The following PIEZO2 variants were observed in gnomAD, a reference collection of about 807,000 sequenced individuals.
PIEZO2 encodes the protein piezo-type mechanosensitive ion channel component 2.
In PIEZO2, 172 loss-of-function variants were observed where a neutral mutation model predicts 337.3. The observed-to-expected ratio is 0.51, with a 90% confidence interval of 0.45 to 0.58. The LOEUF (loss-of-function observed/expected upper bound fraction) is 0.58, where lower values mean the gene tolerates loss of function less well. PIEZO2 is among the 20% of genes least tolerant of loss of function. The pLI, the probability that PIEZO2 is intolerant of heterozygous loss-of-function variation, is 0.00. For synonymous variants in PIEZO2, 1,251 were observed against 1,228.5 expected, an observed-to-expected ratio of 1.02 and a Z score of -0.38; for missense variants, 3,028 against 3,391.3, an observed-to-expected ratio of 0.89 and a Z score of 2.66.
rs749980947 is a variant in PIEZO2 at position 10,953,937 on chromosome 18, G to A, written c.286+25598C>T. On this transcript the variant is annotated intron_variant, in intron 3 of 55. Coordinates refer to ENST00000674853, the MANE Select transcript of PIEZO2 (RefSeq NM_001378183.1). This position sits in a 1 kb window ranked among gnomAD's most constrained non-coding sequence, Gnocchi z 5.2. The stretch of plus-strand genomic sequence containing the variant: ...AATGATTTGCGGCTGGCAGGGAACT[G>A]AAGTCTGTCAGATTGAGGACCAGGT... 6.6e-6 allele frequency among the ~76,000 whole-genome samples: 1 copy of A among 152,178 alleles called. No individual in the cohort carries two copies. Among genetic ancestry groups the A allele is most frequent in the Non-Finnish European group, 1.5e-5 (1 of 68,022 alleles).
At chr18:10,934,925 C>T (rs540866368) in intron 3 of PIEZO2, among the ~76,000 whole-genome samples, 25 of 152,252 alleles carry the variant, frequency 1.6e-4, no homozygotes, top group African/African-American at 6.0e-4. Flanking sequence ...ATCCACCTTA[C>T]AGACGTGGCA....
rs560174527 is a variant in PIEZO2 at position 10,746,361 on chromosome 18, T to C, written c.4424+2110A>G. Among the ~76,000 whole-genome samples the C allele has an allele frequency of 1.1e-3, 175 of 152,338 alleles. No individual in the cohort carries two copies. The highest frequency in any genetic ancestry group is 4.0e-3 in the African/African-American group (165 of 41,582). ...TGTCCTCATCTTCCAATCTCAGCGC[T>C]GCAGTCACTGTGAGCTTCTGATGGC... On this transcript the variant is annotated intron_variant, in intron 30 of 55. Transcript: ENST00000674853. This position sits in a 1 kb window ranked among gnomAD's most constrained non-coding sequence, Gnocchi z 4.2.
chr18:10,977,439 G>C (rs1160635334), intron 3 of PIEZO2, among the ~76,000 whole-genome samples: 1 of 151,944 alleles, frequency 6.6e-6, no homozygotes, highest in African/African-American at 2.4e-5. Flanking sequence ...TTAGTTATAA[G>C]ATTCTTCCTT....
intron 37 of PIEZO2, 116 bp from the exon 38 acceptor site, chr18:10,715,932 A>G (rs887471472): frequency 2.5e-6 from 2 of 805,074 alleles, no homozygotes; most frequent in African/African-American, 1.7e-5. Context: ...CGTGCATCTA[A>G]TAAGGCATGT....
rs1484832949 is a variant in PIEZO2 at position 11,078,808 on chromosome 18, T to G, written c.65-12586A>C. On this transcript the variant is annotated intron_variant, in intron 1 of 55. Coordinates refer to ENST00000674853, the MANE Select transcript of PIEZO2 (RefSeq NM_001378183.1). This position sits in a 1 kb window ranked among gnomAD's most constrained non-coding sequence, Gnocchi z 5.3. ...CCAGATCTCTTCAGTCTCTACCTACTCAGAGTATTTGGCCTTACATTTCAT... is the reference window on the plus strand; with the variant it reads ...CCAGATCTCTTCAGTCTCTACCTACGCAGAGTATTTGGCCTTACATTTCAT... Among the ~76,000 whole-genome samples the G allele has an allele frequency of 6.6e-6, 1 of 152,182 alleles. No homozygotes were observed. Among genetic ancestry groups the G allele is most frequent in the Non-Finnish European group, 1.5e-5 (1 of 68,036 alleles).
At chr18:10,974,132 G>A (rs1481375147) in intron 3 of PIEZO2, among the ~76,000 whole-genome samples, 1 of 152,190 alleles carries the variant, frequency 6.6e-6, no homozygotes, top group Admixed American at 6.5e-5. Flanking sequence ...CGGGATGGGA[G>A]GATAAACTGC....
At chr18:11,004,835 C>T (rs1291824996) in intron 2 of PIEZO2, among the ~76,000 whole-genome samples, 2 of 152,216 alleles carry the variant, frequency 1.3e-5, no homozygotes, top group Non-Finnish European at 2.9e-5. Flanking sequence ...CCATATGTTT[C>T]AGATAATTGA....
At position 10,767,900 on chromosome 18, in the gene PIEZO2, A is replaced by C. The variant is rs370433980; in HGVS notation, c.2946+2248T>G. Among the ~76,000 whole-genome samples the C allele has an allele frequency of 2.1e-4, 32 of 152,314 alleles. No homozygotes were observed. In the East Asian group the frequency reaches 5.8e-3, roughly 28 times the overall value. On this transcript the variant is annotated intron_variant, in intron 21 of 55. Coordinates refer to ENST00000674853, the MANE Select transcript of PIEZO2 (RefSeq NM_001378183.1). This position sits in a 1 kb window ranked among gnomAD's most constrained non-coding sequence, Gnocchi z 4.2. ...GTGGAGCCTCCAGGAGGGCAAGGGC[A>C]GGTTTACCCGCCAGTTGCCAGCCCA...
chr18:10,891,288 A>T (rs2144933933), intron 4 of PIEZO2, among the ~76,000 whole-genome samples: 1 of 152,162 alleles, frequency 6.6e-6, no homozygotes, highest in East Asian at 1.9e-4. Flanking sequence ...GCGCTACTGC[A>T]CTCCAGCCTG....
chr18:10,851,155 C>CTTTTTTTT (rs10592305), intron 7 of PIEZO2, among the ~76,000 whole-genome samples: 1 of 127,932 alleles, frequency 7.8e-6, no homozygotes, highest in Admixed American at 7.9e-5. Flanking sequence ...TTTCTTTTAT[C>CTTTTTTTT]TTTTTTTTTT....
At chr18:10,875,530 G>A (rs577775605) in intron 4 of PIEZO2, among the ~76,000 whole-genome samples, 1 of 152,194 alleles carries the variant, frequency 6.6e-6, no homozygotes, top group Non-Finnish European at 1.5e-5. Context: ...GTAGTAGGTT[G>A]GTACTACTCA....
intron 4 of PIEZO2, among the ~76,000 whole-genome samples, chr18:10,879,607 G>C (rs944252019): frequency 6.6e-6 from 1 of 152,072 alleles, no homozygotes; most frequent in African/African-American, 2.4e-5. Context: ...ATATTAGCCA[G>C]GATGGTCTCG....
chr18:11,113,963 C>T (rs1324797135), intron 1 of PIEZO2, among the ~76,000 whole-genome samples: 1 of 152,160 alleles, frequency 6.6e-6, no homozygotes, highest in Admixed American at 6.5e-5. Context: ...CATGTAATTT[C>T]AATAGCTACG....
At chr18:10,723,642 C>G (rs9962317) in intron 36 of PIEZO2, among the ~76,000 whole-genome samples, 6,981 of 152,066 alleles carry the variant, frequency 0.046, 532 homozygotes, top group African/African-American at 0.16. Context: ...GAGTTGCTGA[C>G]CAGACAAGGG....
intron 52 of PIEZO2, among the ~76,000 whole-genome samples, chr18:10,678,367 T>C (rs1392537108): frequency 6.6e-6 from 1 of 152,224 alleles, no homozygotes; most frequent in Non-Finnish European, 1.5e-5. Context: ...GAATTGGATA[T>C]AAGGAATTTG....
rs1232373817 is a variant in PIEZO2 at position 10,993,639 on chromosome 18, G to A, written c.161-13979C>T. ...CCTCCCGGGTTAACGCCATTCTCCT[G>A]CCTCAGCCTCCTGAGTAGCTGAGAC... On this transcript the variant is annotated intron_variant, in intron 2 of 55. Transcript: ENST00000674853. The surrounding 1 kb of genome is among the most constrained non-coding windows in gnomAD (Gnocchi z 5.0). Among the ~76,000 whole-genome samples, 2 of 152,080 alleles carry A rather than the reference G, an allele frequency of 1.3e-5. No homozygotes were observed. The highest frequency in any genetic ancestry group is 2.9e-5 in the Non-Finnish European group (2 of 68,018).
rs2041510932 is a variant in PIEZO2 at position 10,850,435 on chromosome 18, A to G, written c.917+4918T>C. ...CTCCAGCAGAAGCAAGCACCCCCAC[A>G]GCCCTGCAAAGGCTCTTTCACAGCT... On this transcript the variant is annotated intron_variant, in intron 7 of 55. Coordinates refer to ENST00000674853, the MANE Select transcript of PIEZO2 (RefSeq NM_001378183.1). This position sits in a 1 kb window ranked among gnomAD's most constrained non-coding sequence, Gnocchi z 4.5. Among the ~76,000 whole-genome samples, 1 of 152,200 alleles carries G rather than the reference A, an allele frequency of 6.6e-6. No homozygotes were observed. The highest frequency in any genetic ancestry group is 1.5e-5 in the Non-Finnish European group (1 of 68,044).
In PIEZO2 at chr18:10,724,986, T is replaced by G; in HGVS notation, c.5029+6421A>C. The G allele has an allele frequency of 2.5e-6, 4 of 1,587,626 alleles. No individual in the cohort carries two copies. The highest frequency in any genetic ancestry group is 3.4e-6 in the Non-Finnish European group (4 of 1,160,968). ...CTGCAGCCTCCCTGCCTCACATTAC[T>G]AAGACTCAAAGCGATGCAGGCCATA... is the stretch of plus-strand genomic sequence containing the variant. On this transcript the variant is annotated intron_variant, in intron 36 of 55. Transcript: ENST00000674853. The surrounding 1 kb of genome is among the most constrained non-coding windows in gnomAD (Gnocchi z 5.8).
intron 2 of PIEZO2, among the ~76,000 whole-genome samples, chr18:10,985,726 T>C (rs2034844076): frequency 6.6e-6 from 1 of 151,906 alleles, no homozygotes; most frequent in African/African-American, 2.4e-5. Context: ...GACAAACCTG[T>C]AGTCGATACA....
Sources: gnomAD v4.1 joint callset for allele counts (sites outside exome capture counted in the v4.1 genomes callset) on GRCh38, gnomAD v4.1.1 for gene constraint, Gnocchi (gnomAD v3.1) non-coding constraint, MANE v1.5 for transcripts, NCBI Gene and HGNC (gene_info 2026-07-23, HGNC 2026-07-21) for gene names.